ABCB7: variants seen among roughly 807,000 people sequenced by gnomAD.
ABCB7 encodes the protein iron-sulfur clusters transporter ABCB7, mitochondrial.
Under a neutral mutation model 54.4 loss-of-function variants are expected in ABCB7, and 7 were observed. The ratio of observed to expected loss-of-function variants is 0.13; its 90% confidence interval spans 0.07 to 0.24. The LOEUF (loss-of-function observed/expected upper bound fraction) is 0.24. Among genes scored for constraint, ABCB7 ranks in the 10% least tolerant of loss-of-function variants. The pLI is 1.00. For missense variants in ABCB7, 356 were observed against 570.4 expected (o/e 0.62, Z 3.83); for synonymous variants, 218 against 207.1 (o/e 1.05, Z -0.45).
chrX:75,109,692 T>C (rs1353748441), intron 3 of ABCB7, among the ~76,000 whole-genome samples: 2 of 110,850 alleles, frequency 1.8e-5, no homozygotes, highest in African/African-American at 6.6e-5. Flanking sequence ...TAAAAAAAAA[T>C]TGGAATGCTG....
intron 1 of ABCB7, 85 bp downstream of exon 1, chrX:75,156,020 C>T (rs186867310): frequency 9.9e-5 from 107 of 1,076,184 alleles, no homozygotes; most frequent in Non-Finnish European, 1.3e-4. Context: ...TTGGTGCTCT[C>T]TCTGCCCCGA....
At chrX:75,084,653 T>C (rs1371791255) in intron 4 of ABCB7, among the ~76,000 whole-genome samples, 1 of 111,457 alleles carries the variant, frequency 9.0e-6, no homozygotes, top group African/African-American at 3.3e-5. Flanking sequence ...ATTAAAAACA[T>C]TTGTTCTACA....
chrX:75,150,401 A>T (rs1326672669), intron 1 of ABCB7, among the ~76,000 whole-genome samples: 2 of 111,557 alleles, frequency 1.8e-5, no homozygotes, highest in African/African-American at 6.5e-5. Flanking sequence ...AAAATATCAC[A>T]TTTTGCAGGT....
intron 1 of ABCB7, among the ~76,000 whole-genome samples, chrX:75,145,561 A>T (rs766817045): frequency 2.7e-4 from 30 of 112,026 alleles, no homozygotes; most frequent in African/African-American, 9.7e-4. Context: ...AATAAACTAG[A>T]TATTGAAGGA....
intron 3 of ABCB7, among the ~76,000 whole-genome samples, chrX:75,107,768 C>T (rs2147516415): frequency 9.0e-6 from 1 of 110,869 alleles, no homozygotes; most frequent in East Asian, 2.9e-4. Flanking sequence ...CGGTACATTG[C>T]CACCCGTGGT....
chrX:75,083,093 C>CA (rs746416848), intron 4 of ABCB7, among the ~76,000 whole-genome samples: 12 of 111,578 alleles, frequency 1.1e-4, no homozygotes, highest in Non-Finnish European at 1.7e-4. Flanking sequence ...AAATTATTGA[C>CA]ATTGCCCTCA....
chrX:75,077,001 G>A lies in ABCB7; in HGVS notation c.454-347C>T, dbSNP rs979298004. On this transcript the variant is annotated intron_variant, in intron 4 of 15. Transcript: ENST00000373394. ...ACACTATGGCAAACTGTCTTACACTGTAGTTATTTGTGTATATATTTCCCT... is the reference window on the plus strand; with the variant it reads ...ACACTATGGCAAACTGTCTTACACTATAGTTATTTGTGTATATATTTCCCT... 6.2e-5 allele frequency among the ~76,000 whole-genome samples: 7 copies of A among 112,026 alleles called. No homozygotes were observed. The East Asian group carries it at 2.0e-3, about 31-fold the overall frequency.
At chrX:75,082,421 T>C (rs1233262525) in intron 4 of ABCB7, among the ~76,000 whole-genome samples, 2 of 111,849 alleles carry the variant, frequency 1.8e-5, no homozygotes, top group African/African-American at 6.5e-5. Context: ...CCAGAAGGCC[T>C]GCTTTAAAAG....
chrX:75,114,968 G>T, intron 1 of ABCB7, 137 bp from the exon 2 acceptor site: 1 of 508,904 alleles, frequency 2.0e-6, no homozygotes, highest in South Asian at 2.9e-5. Flanking sequence ...TTTAACGTAT[G>T]CCTAAAAAGA....
rs1433661261 is a variant in ABCB7 at position 75,144,614 on chromosome X, TGC to T, written c.168+11489_168+11490del. Among the ~76,000 whole-genome samples the T allele has an allele frequency of 2.1e-4, 3 of 14,042 alleles. No individual in the cohort carries two copies. The Non-Finnish European group carries it at 5.5e-3, about 26-fold the overall frequency. The allele number at this position is 14,042 out of a possible 115,157, so 12.2% of individuals were successfully genotyped here. ...GGTTATACTGACCTATTAGCATAGCTGCTTTTTTTTTTTTTGGCTTTTCTGTA... is the reference window on the plus strand; with the variant it reads ...GGTTATACTGACCTATTAGCATAGCTTTTTTTTTTTTTTGGCTTTTCTGTA... On this transcript the variant is annotated intron_variant, in intron 1 of 15. Transcript: ENST00000373394.
intron 4 of ABCB7, among the ~76,000 whole-genome samples, chrX:75,090,964 C>A (rs1163387604): frequency 1.8e-5 from 2 of 111,120 alleles, no homozygotes; most frequent in East Asian, 2.8e-4. Context: ...TAAATTGATT[C>A]AATAATTAAT....
At chrX:75,100,539 C>A (rs188231876) in intron 3 of ABCB7, among the ~76,000 whole-genome samples, 31 of 110,867 alleles carry the variant, frequency 2.8e-4, no homozygotes, top group Admixed American at 6.8e-4. Context: ...CTCTCTAACA[C>A]CTTCCCCTGT....
chrX:75,067,231 A>G (rs1208059215), intron 12 of ABCB7, among the ~76,000 whole-genome samples: 1 of 111,741 alleles, frequency 8.9e-6, no homozygotes, highest in Non-Finnish European at 1.9e-5. Context: ...TGAAAAAATG[A>G]CACGTATCCT....
chrX:75,066,635 A>G (rs917867404), intron 12 of ABCB7, among the ~76,000 whole-genome samples: 5 of 111,038 alleles, frequency 4.5e-5, no homozygotes, highest in Non-Finnish European at 9.4e-5. Flanking sequence ...TGTATCTCAT[A>G]ACATCATGTT....
intron 1 of ABCB7, among the ~76,000 whole-genome samples, chrX:75,153,756 G>A (rs370729638): frequency 6.4e-4 from 59 of 91,859 alleles, no homozygotes; most frequent in African/African-American, 1.8e-3. Context: ...GCGTGTGTGT[G>A]TGTGTATATA....
chrX:75,114,996 C>G (rs1165665481), intron 1 of ABCB7, among the ~76,000 whole-genome samples, 165 bp from the exon 2 acceptor site: 5 of 111,103 alleles, frequency 4.5e-5, no homozygotes, highest in Admixed American at 9.5e-5. Flanking sequence ...TAGGCCGGGC[C>G]TGGTGGCTCA....
chrX:75,121,885 A>T, intron 1 of ABCB7, among the ~76,000 whole-genome samples: 1 of 111,810 alleles, frequency 8.9e-6, no homozygotes, highest in African/African-American at 3.2e-5. Flanking sequence ...TTTCTGACTG[A>T]GCTCCTCTCT....
intron 4 of ABCB7, among the ~76,000 whole-genome samples, chrX:75,089,219 T>A (rs937219797): frequency 8.9e-6 from 1 of 111,972 alleles, no homozygotes; most frequent in African/African-American, 3.2e-5. Flanking sequence ...GCAAATGATA[T>A]TGGTCAAAAC....
intron 8 of ABCB7, among the ~76,000 whole-genome samples, chrX:75,072,658 G>A (rs1344329952): frequency 9.0e-6 from 1 of 111,156 alleles, no homozygotes; most frequent in Admixed American, 9.6e-5. Flanking sequence ...GTGAGTGAGT[G>A]GTGAGTGAAT....
Sources: allele counts gnomAD v4.1 joint callset (sites outside exome capture counted in the v4.1 genomes callset), GRCh38; gene constraint gnomAD v4.1.1; transcripts MANE v1.5; gene names NCBI Gene and HGNC (gene_info 2026-07-23, HGNC 2026-07-21).